Variants in LRRTM4 observed in about 807,000 individuals in gnomAD.
LRRTM4 encodes the protein leucine rich repeat transmembrane neuronal 4, also known as leucine-rich repeat transmembrane neuronal protein 4.
LRRTM4 carries 25 observed loss-of-function variants against 47.6 expected under a neutral mutation model. The observed-to-expected ratio is 0.53, with a 90% CI of 0.38 to 0.73. The LOEUF is 0.73. Ranked by LOEUF, LRRTM4 falls within the 30% of genes least tolerant of loss-of-function variation. The probability of loss-of-function intolerance (pLI) is 0.00; values close to 1 mark genes in which losing one functional copy is unlikely to be tolerated. For synonymous variants in LRRTM4, 311 were observed against 269.5 expected (o/e 1.15, Z -1.51); for missense variants, 638 against 713.4 (o/e 0.89, Z 1.20).
At chr2:76,962,530 G>A (rs969388875) in intron 3 of LRRTM4, among the ~76,000 whole-genome samples, 1 of 150,480 alleles carries the variant, frequency 6.6e-6, no homozygotes, top group Non-Finnish European at 1.5e-5. Context: ...TGTCTAGGGA[G>A]AGAAACAATA....
chr2:77,157,898 A>T lies in LRRTM4; in HGVS notation c.1551+360420T>A, dbSNP rs148911911. 2.7e-3 allele frequency among the ~76,000 whole-genome samples: 418 copies of T among 152,308 alleles called. 1 individual carries two copies. Among genetic ancestry groups the T allele is most frequent in the Middle Eastern group, 6.8e-3 (2 of 294 alleles). On this transcript the variant is annotated intron_variant, in intron 3 of 3. Transcript: ENST00000409884. ...ACTCCAGACTGTGAAACTACAGGTC[A>T]AACAGCTCGAGTGAGTTCTTCAACA...
intron 3 of LRRTM4, among the ~76,000 whole-genome samples, chr2:77,116,630 A>T (rs11901327): frequency 6.6e-6 from 1 of 151,818 alleles, no homozygotes; most frequent in South Asian, 2.1e-4. Flanking sequence ...TATAGGGAGA[A>T]ATCCAGTGAC....
chr2:76,791,556 G>C (rs181011472), intron 3 of LRRTM4, among the ~76,000 whole-genome samples: 4 of 152,088 alleles, frequency 2.6e-5, no homozygotes, highest in African/African-American at 9.7e-5. Context: ...ATAAATATTC[G>C]GAGAGCAATA....
rs71656252 is a variant in LRRTM4 at position 77,351,614 on chromosome 2, T to TTATATATATATATATA, written c.1551+166688_1551+166703dup. On this transcript the variant is annotated intron_variant, in intron 3 of 3. Coordinates refer to ENST00000409884, the MANE Select transcript of LRRTM4 (RefSeq NM_001134745.3). ...ATGCTTTTGTGAAACCATGACAAATTTATATATATATATATATATATATAT... is the reference window on the plus strand; with the variant it reads ...ATGCTTTTGTGAAACCATGACAAATTTATATATATATATATATATATATATATATATATATATATAT... Among the ~76,000 whole-genome samples the TTATATATATATATATA allele has an allele frequency of 9.2e-3, 1,240 of 135,198 alleles. 38 individuals carry two copies. The highest frequency in any genetic ancestry group is 0.033 in the African/African-American group (1,160 of 35,472). 88.7% of individuals were successfully genotyped at this position (135,198 alleles called of 152,430 possible). A position where few individuals can be genotyped will look rare whatever the true frequency, so the allele number is the denominator to read the frequency against.
At chr2:76,999,282 C>A (rs138363626) in intron 3 of LRRTM4, among the ~76,000 whole-genome samples, 2 of 151,792 alleles carry the variant, frequency 1.3e-5, no homozygotes, top group African/African-American at 4.8e-5. Context: ...TAGACTGATA[C>A]AATTCTCAAG....
At chr2:77,172,454 C>T (rs1444841690) in intron 3 of LRRTM4, among the ~76,000 whole-genome samples, 3 of 151,956 alleles carry the variant, frequency 2.0e-5, no homozygotes, top group Admixed American at 6.6e-5. Flanking sequence ...ACTAGCCAGA[C>T]GTGGTGGGTC....
intron 3 of LRRTM4, among the ~76,000 whole-genome samples, chr2:76,976,585 T>C (rs1383129302): frequency 6.6e-6 from 1 of 151,800 alleles, no homozygotes; most frequent in East Asian, 1.9e-4. Context: ...CCTCTAAATA[T>C]TGCTGTGGCC....
At chr2:76,890,522 G>C (rs1673217895) in intron 3 of LRRTM4, among the ~76,000 whole-genome samples, 1 of 151,902 alleles carries the variant, frequency 6.6e-6, no homozygotes, top group Non-Finnish European at 1.5e-5. Context: ...CTCAGACTCA[G>C]TTAACACTTT....
At chr2:77,180,019 G>A (rs1673306805) in intron 3 of LRRTM4, among the ~76,000 whole-genome samples, 1 of 152,046 alleles carries the variant, frequency 6.6e-6, no homozygotes, top group African/African-American at 2.4e-5. Flanking sequence ...AGAAAGTGGA[G>A]GGCAAAATAA....
At chr2:77,118,170 A>AT (rs1177735674) in intron 3 of LRRTM4, among the ~76,000 whole-genome samples, 4 of 151,890 alleles carry the variant, frequency 2.6e-5, no homozygotes, top group South Asian at 2.1e-4. Context: ...AAATTGGTAG[A>AT]TTTTTTTGTA....
intron 3 of LRRTM4, among the ~76,000 whole-genome samples, chr2:77,305,959 T>C (rs1383711696): frequency 6.6e-6 from 1 of 152,166 alleles, no homozygotes; most frequent in African/African-American, 2.4e-5. Flanking sequence ...TACACTGGAT[T>C]ACATCATTTT....
At chr2:77,420,601 A>T (rs1466377105) in intron 3 of LRRTM4, among the ~76,000 whole-genome samples, 1 of 151,296 alleles carries the variant, frequency 6.6e-6, no homozygotes, top group Non-Finnish European at 1.5e-5. Context: ...TGGAAATGGA[A>T]ATATGACTTC....
chr2:77,027,185 T>C (rs987872353), intron 3 of LRRTM4, among the ~76,000 whole-genome samples: 6 of 152,126 alleles, frequency 3.9e-5, no homozygotes, highest in African/African-American at 1.4e-4. Context: ...TCTGATACAA[T>C]GTTAGATTAC....
At chr2:77,497,217 A>C (rs1678396788) in intron 3 of LRRTM4, among the ~76,000 whole-genome samples, 1 of 151,636 alleles carries the variant, frequency 6.6e-6, no homozygotes, top group African/African-American at 2.4e-5. Context: ...CTGGAATTTT[A>C]TCAGTTGTAT....
chr2:77,015,321 G>A (rs1336706817), intron 3 of LRRTM4, among the ~76,000 whole-genome samples: 1 of 152,116 alleles, frequency 6.6e-6, no homozygotes, highest in East Asian at 1.9e-4. Context: ...GGAGGAAGTT[G>A]TACTTTATTT....
chr2:77,026,801 A>C (rs1289991272), intron 3 of LRRTM4, among the ~76,000 whole-genome samples: 2 of 152,144 alleles, frequency 1.3e-5, no homozygotes, highest in Non-Finnish European at 2.9e-5. Flanking sequence ...CCACAATGTT[A>C]GACTGTAGAA....
At chr2:77,348,100 T>C (rs919956301) in intron 3 of LRRTM4, among the ~76,000 whole-genome samples, 15 of 151,896 alleles carry the variant, frequency 9.9e-5, no homozygotes, top group Non-Finnish European at 1.9e-4. Context: ...GGTAGGCCTC[T>C]TTCATATACT....
At chr2:76,797,433 C>G (rs570054656) in intron 3 of LRRTM4, among the ~76,000 whole-genome samples, 17 of 151,926 alleles carry the variant, frequency 1.1e-4, no homozygotes, top group African/African-American at 3.6e-4. Context: ...TTTGTCACCA[C>G]CAGGCCTGCC....
chr2:77,298,438 C>T (rs188924080), intron 3 of LRRTM4, among the ~76,000 whole-genome samples: 165 of 152,212 alleles, frequency 1.1e-3, no homozygotes, highest in Non-Finnish European at 2.0e-3. Context: ...GGGTGTTCAC[C>T]GTGTTAGCCA....
Sources: gnomAD v4.1 joint callset for allele counts (sites outside exome capture counted in the v4.1 genomes callset) on GRCh38, gnomAD v4.1.1 for gene constraint, MANE v1.5 for transcripts, NCBI Gene and HGNC (gene_info 2026-07-23, HGNC 2026-07-21) for gene names.